The following ANKRD11 variants were observed in gnomAD, a reference collection of about 807,000 sequenced individuals.
ANKRD11 encodes the protein ankyrin repeat domain 11, also known as ankyrin repeat domain-containing protein 11.
A neutral mutation model predicts 195.7 loss-of-function variants in ANKRD11; 17 were observed. That is an observed-to-expected ratio of 0.09 (90% CI 0.06 to 0.13). The LOEUF (loss-of-function observed/expected upper bound fraction) is 0.13. Among genes scored for constraint, ANKRD11 ranks in the 10% least tolerant of loss-of-function variants. The probability of loss-of-function intolerance (pLI) is 1.00; values close to 1 mark genes in which losing one functional copy is unlikely to be tolerated. For synonymous variants in ANKRD11, 1,953 were observed against 1,528.1 expected (o/e 1.28, Z -6.49); for missense variants, 3,735 against 3,566.1 (o/e 1.05, Z -1.21).
intron 2 of ANKRD11, among the ~76,000 whole-genome samples, chr16:89,366,956 C>T (rs1242712232): frequency 6.6e-6 from 1 of 152,242 alleles, no homozygotes; most frequent in Non-Finnish European, 1.5e-5. Context: ...CAAAGACAGA[C>T]CCACAGGCTG....
At chr16:89,324,170 A>G in intron 2 of ANKRD11, 2 of 1,132,730 alleles carry the variant, frequency 1.8e-6, no homozygotes, top group South Asian at 1.6e-5. Flanking sequence ...ATTTTCTGTT[A>G]TCACGGCGGG....
intron 2 of ANKRD11, among the ~76,000 whole-genome samples, chr16:89,388,619 G>C (rs71396912): frequency 6.6e-6 from 1 of 152,196 alleles, no homozygotes; most frequent in African/African-American, 2.4e-5. Flanking sequence ...TTGCACCTGA[G>C]AAGATGGGGC....
intron 1 of ANKRD11, among the ~76,000 whole-genome samples, chr16:89,451,504 C>T (rs1164129082): frequency 6.7e-6 from 1 of 150,282 alleles, no homozygotes; most frequent in East Asian, 2.0e-4. Flanking sequence ...CTCCGCCTCC[C>T]GAGTTTTCAA....
rs2034211358 is a variant in ANKRD11, at chr16:89,281,257, T to C, written c.5285A>G (p.Asp1762Gly). ...CCCACTTGAAGCCACGGAGAACCTGTCGAAAAAGGAGGGGGAGCAGGCGCT... is the reference window on the plus strand; with the variant it reads ...CCCACTTGAAGCCACGGAGAACCTGCCGAAAAAGGAGGGGGAGCAGGCGCT... ...PTSACSPSFF[D>G]RFSVASSGLS... The change falls in exon 9 of 13, where the codon GAC (aspartate) becomes GGC (glycine). Residue 1762 changes from aspartate to glycine, a missense_variant. Asp to Gly is a moderately conservative substitution (Grantham distance 94, BLOSUM62 -1). Coordinates refer to ENST00000301030, the MANE Select transcript of ANKRD11 (RefSeq NM_013275.6). The surrounding 1 kb of genome is among the most constrained non-coding windows in gnomAD (Gnocchi z 5.5). The C allele has an allele frequency of 1.9e-6, 3 of 1,613,896 alleles. No individual in the cohort carries two copies. Among genetic ancestry groups the C allele is most frequent in the Non-Finnish European group, 2.5e-6 (3 of 1,179,940 alleles).
intron 2 of ANKRD11, among the ~76,000 whole-genome samples, chr16:89,358,799 A>C (rs1425872017): frequency 1.3e-5 from 2 of 150,954 alleles, no homozygotes; most frequent in East Asian, 3.9e-4. Flanking sequence ...CCCACATCTC[A>C]CATTTCAGTT....
chr16:89,396,232 T>C (rs567228467), intron 2 of ANKRD11, among the ~76,000 whole-genome samples: 1 of 152,300 alleles, frequency 6.6e-6, no homozygotes, highest in East Asian at 1.9e-4. Context: ...CTTTCTGATG[T>C]AGTAAAATCA....
intron 2 of ANKRD11, among the ~76,000 whole-genome samples, chr16:89,372,368 G>A (rs979961051): frequency 6.6e-6 from 1 of 152,264 alleles, no homozygotes; most frequent in East Asian, 1.9e-4. Context: ...TGGAGAGCCC[G>A]AGTCACGGAG....
intron 6 of ANKRD11, among the ~76,000 whole-genome samples, chr16:89,290,315 T>C (rs1477845455): frequency 7.4e-5 from 5 of 67,966 alleles, no homozygotes; most frequent in Admixed American, 1.7e-4. Context: ...AGGGCTCCAA[T>C]GGGGGGAGGC....
rs201730053 is a variant in ANKRD11, at chr16:89,316,920, G to A, written c.87+13C>T. The A allele has an allele frequency of 1.1e-5, 17 of 1,612,146 alleles. No homozygotes were observed. Among genetic ancestry groups the A allele is most frequent in the Middle Eastern group, 1.7e-4 (1 of 6,058 alleles). On this transcript the variant is annotated intron_variant, in intron 3 of 12. Transcript: ENST00000301030. The stretch of plus-strand genomic sequence containing the variant: ...TGCGGTGAGCATGCAGGGCTGGGAG[G>A]GGGCAGCATTACCTTTTTCCCAGTC...
At chr16:89,413,132 T>A (rs1322284245) in intron 2 of ANKRD11, among the ~76,000 whole-genome samples, 1 of 152,190 alleles carries the variant, frequency 6.6e-6, no homozygotes, top group African/African-American at 2.4e-5. Context: ...CAGGTCTAAC[T>A]TAAATGACAC....
intron 2 of ANKRD11, among the ~76,000 whole-genome samples, chr16:89,357,372 G>T (rs188587564): frequency 1.8e-3 from 267 of 152,320 alleles, no homozygotes; most frequent in Middle Eastern, 0.01. Flanking sequence ...GGGAACCAGG[G>T]GGCAGGTGAG....
At chr16:89,447,157 C>A (rs1597437480) in intron 1 of ANKRD11, among the ~76,000 whole-genome samples, 1 of 152,060 alleles carries the variant, frequency 6.6e-6, no homozygotes, top group East Asian at 1.9e-4. Flanking sequence ...ACGTCCAACA[C>A]CAGTGGCCTC....
chr16:89,430,810 A>T (rs942156306), intron 1 of ANKRD11, among the ~76,000 whole-genome samples: 2 of 152,192 alleles, frequency 1.3e-5, no homozygotes, highest in South Asian at 4.1e-4. Context: ...TTCTTAAGAC[A>T]AAAGGGAGTT....
intron 7 of ANKRD11, chr16:89,287,153 G>A: frequency 1.6e-6 from 2 of 1,270,244 alleles, no homozygotes; most frequent in Non-Finnish European, 2.1e-6. Context: ...CTGGGACGGA[G>A]GTCCCCAGTC....
intron 6 of ANKRD11, 94 bp from the exon 7 acceptor site, chr16:89,288,764 G>C: frequency 6.3e-7 from 1 of 1,579,660 alleles, no homozygotes; most frequent in Admixed American, 1.7e-5. Context: ...TACAGTGCGG[G>C]GACAAGCCAG....
intron 2 of ANKRD11, among the ~76,000 whole-genome samples, chr16:89,386,682 G>C (rs114695597): frequency 0.012 from 1,824 of 152,326 alleles, 35 homozygotes; most frequent in African/African-American, 0.042. Flanking sequence ...CCTTCTGCTA[G>C]GTGGAAAAGC....
chr16:89,343,195 T>C (rs1023457632), intron 2 of ANKRD11, among the ~76,000 whole-genome samples: 6 of 152,138 alleles, frequency 3.9e-5, no homozygotes, highest in Non-Finnish European at 5.9e-5. Context: ...TTCACCATGT[T>C]GGCCAGGCTG....
intron 1 of ANKRD11, among the ~76,000 whole-genome samples, chr16:89,425,829 A>G (rs1198739020): frequency 6.6e-6 from 1 of 152,238 alleles, no homozygotes; most frequent in Non-Finnish European, 1.5e-5. Context: ...AGGAGGAACT[A>G]GAAGGAAAAC....
chr16:89,455,799 G>C (rs1442966056), intron 1 of ANKRD11, among the ~76,000 whole-genome samples: 1 of 152,174 alleles, frequency 6.6e-6, no homozygotes, highest in Non-Finnish European at 1.5e-5. Flanking sequence ...AAATGGTGCA[G>C]CTGTTGTTGA....
Sources: gnomAD v4.1 joint callset for allele counts (sites outside exome capture counted in the v4.1 genomes callset) on GRCh38, gnomAD v4.1.1 for gene constraint, Gnocchi (gnomAD v3.1) non-coding constraint, MANE v1.5 for transcripts, NCBI Gene and HGNC (gene_info 2026-07-23, HGNC 2026-07-21) for gene names.